The following TTBK2 variants were observed in gnomAD, a reference collection of about 807,000 sequenced individuals.
TTBK2 encodes the protein tau tubulin kinase 2.
A neutral mutation model predicts 110.8 loss-of-function variants in TTBK2; 28 were observed. That is an observed-to-expected ratio of 0.25 (90% CI 0.19 to 0.35). TTBK2 has a LOEUF of 0.35. Among genes scored for constraint, TTBK2 ranks in the 10% least tolerant of loss-of-function variants. TTBK2 has a pLI of 1.00. For synonymous variants in TTBK2, 532 were observed against 527.3 expected (o/e 1.01, Z -0.12); for missense variants, 1,369 against 1,500.3 (o/e 0.91, Z 1.45).
intron 10 of TTBK2, among the ~76,000 whole-genome samples, chr15:42,787,168 G>A (rs533490843): frequency 3.9e-5 from 6 of 152,074 alleles, no homozygotes; most frequent in Non-Finnish European, 5.9e-5. Flanking sequence ...AGTCAGTCTC[G>A]TCTGTTTACA....
chr15:42,850,768 C>CTTAA (rs1280981455), intron 3 of TTBK2, among the ~76,000 whole-genome samples: 1 of 151,790 alleles, frequency 6.6e-6, no homozygotes, highest in Non-Finnish European at 1.5e-5. Context: ...AAGTGAAGTT[C>CTTAA]TTAATTGTAC....
intron 13 of TTBK2, among the ~76,000 whole-genome samples, chr15:42,758,968 C>T (rs1466658661): frequency 6.6e-6 from 1 of 152,202 alleles, no homozygotes; most frequent in Non-Finnish European, 1.5e-5. Flanking sequence ...ATGAGCCAAG[C>T]TGCCACAGCT....
rs1210799108 is a variant in TTBK2, at chr15:42,741,652, G to A, written c.*4143C>T. The A allele has an allele frequency of 1.3e-5, 2 of 152,176 alleles. No individual in the cohort carries two copies. The highest frequency in any genetic ancestry group is 4.8e-5 in the African/African-American group (2 of 41,426). The allele number at this position is 152,176 out of a possible 1,614,324, so 9.4% of individuals were successfully genotyped here. A position where few individuals can be genotyped will look rare whatever the true frequency, so the allele number is the denominator to read the frequency against. On this transcript the variant is annotated 3_prime_UTR_variant, in exon 15 of 15. Coordinates refer to ENST00000267890, the MANE Select transcript of TTBK2 (RefSeq NM_173500.4). ...ATACATAAACATGACAGAAGAAGTG[G>A]TTCTCTAACATATGCCATGTTTGAT... is the stretch of plus-strand genomic sequence containing the variant.
At chr15:42,907,186 T>C (rs2030451814) in intron 1 of TTBK2, among the ~76,000 whole-genome samples, 1 of 152,152 alleles carries the variant, frequency 6.6e-6, no homozygotes, top group Non-Finnish European at 1.5e-5. Flanking sequence ...TAACAAATGC[T>C]GGCAAGGATA....
At chr15:42,790,947 A>G (rs986200647) in intron 10 of TTBK2, among the ~76,000 whole-genome samples, 1 of 151,630 alleles carries the variant, frequency 6.6e-6, no homozygotes, top group African/African-American at 2.4e-5. Flanking sequence ...GCAGTGGCTC[A>G]ATCTCAGCTC....
chr15:42,809,532 A>C (rs1267331946), intron 9 of TTBK2, among the ~76,000 whole-genome samples: 1 of 152,230 alleles, frequency 6.6e-6, no homozygotes, highest in African/African-American at 2.4e-5. Context: ...CTCCTCTTGA[A>C]TCTAGTCTTA....
intron 14 of TTBK2, among the ~76,000 whole-genome samples, chr15:42,750,732 A>G (rs1021212438): frequency 2.6e-5 from 4 of 152,178 alleles, no homozygotes; most frequent in Admixed American, 6.5e-5. Context: ...CCCAAAAGTC[A>G]TAAGAGACAT....
chr15:42,872,267 G>C (rs1252108846), intron 3 of TTBK2, among the ~76,000 whole-genome samples: 1 of 152,158 alleles, frequency 6.6e-6, no homozygotes, highest in Non-Finnish European at 1.5e-5. Flanking sequence ...CTTGAGTAGA[G>C]ACAACTCAGA....
intron 1 of TTBK2, among the ~76,000 whole-genome samples, chr15:42,900,636 C>T (rs751053031): frequency 1.8e-4 from 27 of 151,954 alleles, no homozygotes; most frequent in Admixed American, 7.9e-4. Flanking sequence ...TCAGGAGAAT[C>T]GCTTGAACCC....
chr15:42,874,863 G>A (rs1240209368), intron 2 of TTBK2, among the ~76,000 whole-genome samples: 1 of 151,546 alleles, frequency 6.6e-6, no homozygotes, highest in East Asian at 2.0e-4. Flanking sequence ...GCATGTGCCT[G>A]TAATCCCAGC....
At chr15:42,746,575 C>A (rs552277937) in intron 14 of TTBK2, among the ~76,000 whole-genome samples, 1 of 152,298 alleles carries the variant, frequency 6.6e-6, no homozygotes, top group East Asian at 1.9e-4. Flanking sequence ...CATGTTTATT[C>A]TGCTAATTTT....
At chr15:42,789,685 G>T (rs1285276530) in intron 10 of TTBK2, among the ~76,000 whole-genome samples, 1 of 152,030 alleles carries the variant, frequency 6.6e-6, no homozygotes, top group Non-Finnish European at 1.5e-5. Context: ...AGTGAGCAGA[G>T]ATCATGTCAT....
intron 3 of TTBK2, among the ~76,000 whole-genome samples, chr15:42,855,785 C>A (rs925489548): frequency 6.6e-5 from 10 of 152,230 alleles, no homozygotes; most frequent in African/African-American, 2.2e-4. Context: ...CCCGGGTTCA[C>A]GCCATTCTCC....
intron 3 of TTBK2, among the ~76,000 whole-genome samples, chr15:42,844,157 T>C (rs1893354897): frequency 6.6e-6 from 1 of 152,238 alleles, no homozygotes. Flanking sequence ...AAGAACCTGC[T>C]AGGCTGTAAC....
chr15:42,878,554 T>G lies in TTBK2; in HGVS notation c.64A>C (p.Lys22Gln). 1 of 1,612,422 alleles carries G rather than the reference T, an allele frequency of 6.2e-7. No individual in the cohort carries two copies. The highest frequency in any genetic ancestry group is 8.5e-7 in the Non-Finnish European group (1 of 1,179,718). Residue 22 changes from lysine to glutamine, a missense_variant, in exon 2 of 15, where the codon AAA becomes CAA. Physicochemically the swap from Lys to Gln is moderately conservative, Grantham distance 53. Coordinates refer to ENST00000267890, the MANE Select transcript of TTBK2 (RefSeq NM_173500.4). ...SVGILVKERW[K>Q]VLRKIGGGGF... ...TCTCTGAGATGTACACTCACCACTT[T>G]CCATCTTTCTTTCACTAGGATTCCA...
chr15:42,751,085 G>A (rs2061859051), intron 14 of TTBK2, among the ~76,000 whole-genome samples: 1 of 152,180 alleles, frequency 6.6e-6, no homozygotes, highest in Non-Finnish European at 1.5e-5. Flanking sequence ...AGGGAGTCCT[G>A]TAGGTTGAAA....
intron 9 of TTBK2, among the ~76,000 whole-genome samples, chr15:42,806,674 T>G (rs950108639): frequency 6.6e-6 from 1 of 152,212 alleles, no homozygotes; most frequent in African/African-American, 2.4e-5. Context: ...CTCTTATTTT[T>G]GCTCTTCACA....
intron 10 of TTBK2, among the ~76,000 whole-genome samples, chr15:42,792,435 TGAAGGA>T (rs956674713): frequency 2.0e-5 from 3 of 152,210 alleles, no homozygotes; most frequent in African/African-American, 7.2e-5. Flanking sequence ...ACTCCACTAA[TGAAGGA>T]CACTTCTCCC....
intron 1 of TTBK2, among the ~76,000 whole-genome samples, chr15:42,889,426 G>A (rs984870484): frequency 3.3e-5 from 5 of 151,974 alleles, no homozygotes; most frequent in East Asian, 3.9e-4. Flanking sequence ...ATAACAAACC[G>A]GCCTTTATTA....
Sources: gnomAD v4.1 joint callset for allele counts (sites outside exome capture counted in the v4.1 genomes callset) on GRCh38, gnomAD v4.1.1 for gene constraint, MANE v1.5 for transcripts, NCBI Gene and HGNC (gene_info 2026-07-23, HGNC 2026-07-21) for gene names.